ANKRD29: variants seen among roughly 807,000 people sequenced by gnomAD.
ANKRD29 encodes the protein ankyrin repeat domain 29.
A neutral mutation model predicts 38.0 loss-of-function variants in ANKRD29; 32 were observed. That is an observed-to-expected ratio of 0.84 (90% confidence interval 0.64 to 1.13). ANKRD29 has a LOEUF of 1.13. Ranked by LOEUF, ANKRD29 falls within the 50% of genes most tolerant of loss-of-function variation. The pLI is 0.00. For synonymous variants in ANKRD29, 135 were observed against 152.4 expected, an observed-to-expected ratio of 0.89 and a Z score of 0.84; for missense variants, 357 against 377.9, an observed-to-expected ratio of 0.94 and a Z score of 0.46.
At chr18:23,608,355 C>T (rs1294325515) in intron 9 of ANKRD29, among the ~76,000 whole-genome samples, 3 of 152,298 alleles carry the variant, frequency 2.0e-5, no homozygotes, top group South Asian at 2.1e-4. Flanking sequence ...ACTTCCCTGG[C>T]GGCTCCTCCC....
chr18:23,662,644 C>T, intron 1 of ANKRD29, 66 bp downstream of exon 1: 1 of 852,626 alleles, frequency 1.2e-6, no homozygotes, highest in Non-Finnish European at 1.7e-6. Flanking sequence ...CCCACCCCAC[C>T]CGACCCCGCG....
chr18:23,646,396 G>T, intron 2 of ANKRD29, 109 bp from the exon 3 acceptor site: 1 of 851,110 alleles, frequency 1.2e-6, no homozygotes, highest in Non-Finnish European at 1.8e-6. Flanking sequence ...ACATCCAAGG[G>T]CAAAATTCCC....
At chr18:23,610,287 T>C (rs796965398) in intron 9 of ANKRD29, among the ~76,000 whole-genome samples, 18 of 152,018 alleles carry the variant, frequency 1.2e-4, no homozygotes, top group African/African-American at 4.3e-4. Context: ...ACCATCCTGG[T>C]CAACGTGGCA....
chr18:23,648,143 T>C (rs1176330734), intron 2 of ANKRD29: 1 of 152,318 alleles, frequency 6.6e-6, no homozygotes, highest in Non-Finnish European at 1.5e-5. Context: ...CAGATGCTCC[T>C]ATGGGCCAAA....
At chr18:23,609,456 C>A (rs1042224168) in intron 9 of ANKRD29, among the ~76,000 whole-genome samples, 1 of 152,156 alleles carries the variant, frequency 6.6e-6, no homozygotes, top group Non-Finnish European at 1.5e-5. Context: ...AATAATAAAA[C>A]TCCTATCTCC....
chr18:23,642,499 G>C (rs2060090955), intron 3 of ANKRD29, among the ~76,000 whole-genome samples: 1 of 152,206 alleles, frequency 6.6e-6, no homozygotes, highest in Non-Finnish European at 1.5e-5. Flanking sequence ...TGTGTGCAGT[G>C]GCTGGACCCC....
At chr18:23,624,703 G>C (rs1334043379) in intron 6 of ANKRD29, among the ~76,000 whole-genome samples, 2 of 152,122 alleles carry the variant, frequency 1.3e-5, no homozygotes, top group Non-Finnish European at 2.9e-5. Context: ...TAAGACCAAA[G>C]AAACTGATCA....
At chr18:23,631,666 C>G (rs1383182399) in intron 5 of ANKRD29, among the ~76,000 whole-genome samples, 1 of 152,214 alleles carries the variant, frequency 6.6e-6, no homozygotes, top group Non-Finnish European at 1.5e-5. Flanking sequence ...GCCAGCCCAG[C>G]AGACACCAAC....
chr18:23,653,657 C>T (rs1055468803), intron 1 of ANKRD29, among the ~76,000 whole-genome samples: 3 of 151,668 alleles, frequency 2.0e-5, no homozygotes, highest in Non-Finnish European at 4.4e-5. Context: ...TATGGAGTCT[C>T]GATCCGTTGC....
chr18:23,613,005 A>G (rs1466962524), intron 8 of ANKRD29, among the ~76,000 whole-genome samples: 2 of 152,100 alleles, frequency 1.3e-5, no homozygotes, highest in African/African-American at 4.8e-5. Context: ...CTGATTTTGT[A>G]AAAGAGTAAA....
intron 9 of ANKRD29, among the ~76,000 whole-genome samples, chr18:23,602,968 C>T (rs565227206): frequency 5.3e-5 from 8 of 152,144 alleles, no homozygotes; most frequent in Admixed American, 2.0e-4. Context: ...TAACAGAATA[C>T]AATTGGATTC....
At chr18:23,661,454 C>T (rs1329623515) in intron 1 of ANKRD29, among the ~76,000 whole-genome samples, 1 of 152,226 alleles carries the variant, frequency 6.6e-6, no homozygotes, top group African/African-American at 2.4e-5. Flanking sequence ...GCCTTTAACC[C>T]CAGCACTTTG....
chr18:23,646,155 G>C (rs936269629), intron 3 of ANKRD29, 34 bp downstream of exon 3: 6 of 1,593,934 alleles, frequency 3.8e-6, no homozygotes, highest in Middle Eastern at 1.7e-4. Context: ...CTCTGAGCCT[G>C]GTCATTTTTC....
chr18:23,632,066 G>C (rs896887136), intron 5 of ANKRD29, among the ~76,000 whole-genome samples: 2 of 152,194 alleles, frequency 1.3e-5, no homozygotes, highest in African/African-American at 4.8e-5. Flanking sequence ...GGAGGGTCCT[G>C]GATTTTCAGT....
rs1047324693 is a variant in ANKRD29 at position 23,601,376 on chromosome 18, G to A, written c.823-67C>T. 4.4e-6 allele frequency: 6 copies of A among 1,362,462 alleles called. No individual in the cohort carries two copies. In the African/African-American group the frequency reaches 8.6e-5, roughly 20 times the overall value. The allele number at this position is 1,362,462 out of a possible 1,614,324, so 84.4% of individuals were successfully genotyped here. On this transcript the variant is annotated intron_variant, in intron 9 of 9. Transcript: ENST00000592179. ...GGTGTGGTTTTAGGGACTCCAAAGA[G>A]GGGCATTTGACCCACTCTTTCTCCT...
At chr18:23,654,316 A>C (rs1444800648) in intron 1 of ANKRD29, among the ~76,000 whole-genome samples, 1 of 149,488 alleles carries the variant, frequency 6.7e-6, no homozygotes, top group African/African-American at 2.5e-5. Context: ...ATAAATAAAT[A>C]AATAAATAAA....
intron 7 of ANKRD29, chr18:23,618,664 C>T (rs1463107937): frequency 6.6e-6 from 1 of 152,086 alleles, no homozygotes; most frequent in Non-Finnish European, 1.5e-5. Context: ...TATTTTTTGG[C>T]TCAAGAACAC....
rs11310206 is a variant in ANKRD29 at position 23,639,529 on chromosome 18, A to ATT, written c.232-584_232-583dup. Among the ~76,000 whole-genome samples the ATT allele has an allele frequency of 2.2e-3, 270 of 120,332 alleles. 2 individuals are homozygous for ATT. The highest frequency in any genetic ancestry group is 7.4e-3 in the African/African-American group (251 of 33,806). The allele number at this position is 120,332 out of a possible 152,430, so 78.9% of individuals were successfully genotyped here. Reference sequence around the variant, plus strand: ...AACAACTATGTATGATTTTACTGTGATTTTTTTTTTTTTTTTTTTTGAGAC... The same window carrying ATT: ...AACAACTATGTATGATTTTACTGTGATTTTTTTTTTTTTTTTTTTTTTGAGAC... On this transcript the variant is annotated intron_variant, in intron 3 of 9. Transcript: ENST00000592179.
At chr18:23,603,935 C>T (rs1051210565) in intron 9 of ANKRD29, among the ~76,000 whole-genome samples, 3 of 151,786 alleles carry the variant, frequency 2.0e-5, no homozygotes, top group African/African-American at 7.3e-5. Context: ...CTCTACCTCC[C>T]GAGTTCAAGT....
Sources: gnomAD v4.1 joint callset for allele counts (sites outside exome capture counted in the v4.1 genomes callset) on GRCh38, gnomAD v4.1.1 for gene constraint, MANE v1.5 for transcripts, NCBI Gene and HGNC (gene_info 2026-07-23, HGNC 2026-07-21) for gene names.